Variants in GIPC2 observed in about 807,000 individuals in gnomAD.
GIPC2 encodes GIPC PDZ domain containing family member 2.
GIPC2 carries 30 observed loss-of-function variants against 30.6 expected under a neutral mutation model. The ratio of observed to expected loss-of-function variants is 0.98; its 90% CI spans 0.73 to 1.33. GIPC2 has a LOEUF of 1.33. Among genes scored for constraint, GIPC2 ranks in the 40% most tolerant of loss-of-function variants. GIPC2 has a pLI of 0.00. For synonymous variants in GIPC2, 167 were observed against 150.0 expected, an observed-to-expected ratio of 1.11 and a Z score of -0.83; for missense variants, 414 against 390.3, an observed-to-expected ratio of 1.06 and a Z score of -0.51.
intron 1 of GIPC2, among the ~76,000 whole-genome samples, chr1:78,063,523 A>G (rs2102643089): frequency 6.6e-6 from 1 of 151,832 alleles, no homozygotes; most frequent in Middle Eastern, 3.4e-3. Flanking sequence ...AACCAAAACA[A>G]AAAACATGAA....
chr1:78,069,995 T>G (rs1252927717), intron 1 of GIPC2, among the ~76,000 whole-genome samples: 1 of 152,114 alleles, frequency 6.6e-6, no homozygotes, highest in Non-Finnish European at 1.5e-5. Flanking sequence ...ACTTTCCAAT[T>G]TTCCATGATT....
chr1:78,122,211 T>A (rs1270465044), intron 4 of GIPC2, among the ~76,000 whole-genome samples: 2 of 152,204 alleles, frequency 1.3e-5, no homozygotes, highest in African/African-American at 4.8e-5. Context: ...AAATAGCTCA[T>A]AATGAAAGGA....
At position 78,137,481 on chromosome 1, in the gene GIPC2, T is replaced by C. The variant is rs546890100; in HGVS notation, c.*1738T>C. The stretch of plus-strand genomic sequence containing the variant: ...ATTATTGATGGTTGTCAGTTTCTCC[T>C]TCCTTTTTGGGCATGCATAAAGACA... On this transcript the variant is annotated 3_prime_UTR_variant, in exon 6 of 6. Transcript: ENST00000370759. The C allele has an allele frequency of 7.2e-5, 11 of 152,342 alleles. No individual in the cohort carries two copies. Among genetic ancestry groups the C allele is most frequent in the African/African-American group, 2.4e-4 (10 of 41,594 alleles). 9.4% of individuals were successfully genotyped at this position (152,342 alleles called of 1,614,324 possible). A position where few individuals can be genotyped will look rare whatever the true frequency, so the allele number is the denominator to read the frequency against.
chr1:78,063,984 T>C (rs185601509), intron 1 of GIPC2, among the ~76,000 whole-genome samples: 86 of 152,218 alleles, frequency 5.6e-4, no homozygotes, highest in African/African-American at 2.0e-3. Context: ...ATAAGAGATA[T>C]TAATGTTTGT....
At chr1:78,074,796 C>T (rs1422385143) in intron 1 of GIPC2, among the ~76,000 whole-genome samples, 2 of 152,100 alleles carry the variant, frequency 1.3e-5, no homozygotes, top group Non-Finnish European at 1.5e-5. Context: ...GAGAGATTGT[C>T]TGAAATTTTT....
At chr1:78,123,299 C>A (rs1319664592) in intron 4 of GIPC2, among the ~76,000 whole-genome samples, 1 of 149,818 alleles carries the variant, frequency 6.7e-6, no homozygotes. Flanking sequence ...GTGTTTCTCT[C>A]CGGAAGAAAT....
intron 1 of GIPC2, among the ~76,000 whole-genome samples, chr1:78,065,631 T>A (rs1195123273): frequency 6.6e-6 from 1 of 152,174 alleles, no homozygotes; most frequent in African/African-American, 2.4e-5. Flanking sequence ...AGACGTCATG[T>A]TATCTGAGTT....
At chr1:78,055,961 A>G (rs924601647) in intron 1 of GIPC2, among the ~76,000 whole-genome samples, 3 of 152,276 alleles carry the variant, frequency 2.0e-5, no homozygotes, top group East Asian at 1.9e-4. Context: ...TGTTCTCTTT[A>G]TCTGGAAATC....
intron 5 of GIPC2, among the ~76,000 whole-genome samples, chr1:78,132,568 C>T (rs1247381578): frequency 6.6e-6 from 1 of 151,914 alleles, no homozygotes. Flanking sequence ...ACATGGAGTT[C>T]CCGGGCTTAG....
chr1:78,105,528 C>T (rs1662330755), intron 3 of GIPC2, among the ~76,000 whole-genome samples: 1 of 152,144 alleles, frequency 6.6e-6, no homozygotes, highest in East Asian at 1.9e-4. Flanking sequence ...CCTCGTGATC[C>T]GCCCACCTCG....
chr1:78,099,024 C>T (rs1662193070), intron 3 of GIPC2, among the ~76,000 whole-genome samples: 1 of 152,086 alleles, frequency 6.6e-6, no homozygotes. Flanking sequence ...AATTACAGTA[C>T]CAGTTCTTTG....
intron 3 of GIPC2, among the ~76,000 whole-genome samples, chr1:78,102,224 G>A (rs911504691): frequency 1.3e-5 from 2 of 152,126 alleles, no homozygotes; most frequent in Non-Finnish European, 1.5e-5. Context: ...ATTTCTGTGC[G>A]GTGTATCCAT....
At chr1:78,065,829 A>G (rs917413196) in intron 1 of GIPC2, among the ~76,000 whole-genome samples, 1 of 152,188 alleles carries the variant, frequency 6.6e-6, no homozygotes, top group Non-Finnish European at 1.5e-5. Flanking sequence ...TGCTGGGATG[A>G]CTGGCTAGCC....
chr1:78,058,219 C>A (rs1043734889), intron 1 of GIPC2, among the ~76,000 whole-genome samples: 2 of 152,070 alleles, frequency 1.3e-5, no homozygotes, highest in Admixed American at 1.3e-4. Context: ...TGTTCCTCAT[C>A]TGTTAAGTGG....
At chr1:78,131,754 G>A (rs1245993238) in intron 5 of GIPC2, among the ~76,000 whole-genome samples, 1 of 152,176 alleles carries the variant, frequency 6.6e-6, no homozygotes, top group African/African-American at 2.4e-5. Context: ...AGCTGAGGAT[G>A]AGAAATAAAA....
intron 3 of GIPC2, chr1:78,112,495 T>C (rs761552247): frequency 1.3e-5 from 7 of 518,940 alleles, no homozygotes; most frequent in South Asian, 9.8e-5. Context: ...GTTGAAATTA[T>C]GGTCTCTGCC....
chr1:78,045,085 C>A, upstream of GIPC2: 1 of 983,140 alleles, frequency 1.0e-6, no homozygotes, highest in Non-Finnish European at 1.2e-6. Context: ...AAATGGGCAA[C>A]GCAGACCAAG....
At chr1:78,057,184 T>G (rs1444538556) in intron 1 of GIPC2, among the ~76,000 whole-genome samples, 1 of 152,244 alleles carries the variant, frequency 6.6e-6, no homozygotes, top group African/African-American at 2.4e-5. Flanking sequence ...ATCAGTTCTA[T>G]TCTACTGGAA....
At chr1:78,066,189 GA>G (rs1161549683) in intron 1 of GIPC2, among the ~76,000 whole-genome samples, 2 of 151,476 alleles carry the variant, frequency 1.3e-5, no homozygotes, top group South Asian at 2.1e-4. Context: ...AAAGTTACAA[GA>G]AAAAAAACCC....
Sources: gnomAD v4.1 joint callset for allele counts (sites outside exome capture counted in the v4.1 genomes callset) on GRCh38, gnomAD v4.1.1 for gene constraint, MANE v1.5 for transcripts, NCBI Gene and HGNC (gene_info 2026-07-23, HGNC 2026-07-21) for gene names.